Variants in CHIC1 observed in about 807,000 individuals in gnomAD.
CHIC1 encodes the protein cysteine-rich hydrophobic domain-containing protein 1.
CHIC1 carries 7 observed loss-of-function variants against 18.5 expected under a neutral mutation model. The observed-to-expected ratio is 0.38, with a 90% CI of 0.22 to 0.71. The LOEUF is 0.71. Among genes scored for constraint, CHIC1 ranks in the 30% least tolerant of loss-of-function variants. The pLI is 0.49. For synonymous variants in CHIC1, 77 were observed against 73.5 expected (o/e 1.05, Z -0.25); for missense variants, 159 against 176.9 (o/e 0.90, Z 0.57).
At chrX:73,586,176 C>T (rs1171887144) in intron 3 of CHIC1, among the ~76,000 whole-genome samples, 1 of 111,465 alleles carries the variant, frequency 9.0e-6, no homozygotes, top group Non-Finnish European at 1.9e-5. Context: ...GGCTATATGT[C>T]AGCAGTTGGC....
At chrX:73,655,425 A>G (rs776433600) in intron 3 of CHIC1, among the ~76,000 whole-genome samples, 2 of 93,233 alleles carry the variant, frequency 2.1e-5, no homozygotes, top group African/African-American at 7.7e-5. Context: ...GTGTATATAT[A>G]GTGTGTGTAT....
chrX:73,681,197 TTTTGCA>T lies in CHIC1; in HGVS notation c.*193_*198del. ...TTTTTGTCTTTCAATGAGGCTTGTG[TTTTGCA>T]CTCTCAATTTTAAATACACACACAT... is the stretch of plus-strand genomic sequence containing the variant. On this transcript the variant is annotated 3_prime_UTR_variant, in exon 6 of 6. Transcript: ENST00000373502. The T allele has an allele frequency of 2.6e-6, 1 of 379,923 alleles. No individual in the cohort carries two copies. The highest frequency in any genetic ancestry group is 5.1e-5 in the South Asian group (1 of 19,578). 31.3% of individuals were successfully genotyped at this position (379,923 alleles called of 1,213,427 possible).
chrX:73,574,750 T>C (rs998321640), intron 1 of CHIC1, among the ~76,000 whole-genome samples: 1 of 111,032 alleles, frequency 9.0e-6, no homozygotes, highest in Non-Finnish European at 1.9e-5. Flanking sequence ...TTTTTGTATT[T>C]ATGTGGGATA....
At chrX:73,637,326 ATAGT>A (rs926993640) in intron 3 of CHIC1, among the ~76,000 whole-genome samples, 2 of 97,071 alleles carry the variant, frequency 2.1e-5, no homozygotes, top group Admixed American at 2.3e-4. Context: ...TTTTCTTTTG[ATAGT>A]TGGAGTAGGT....
intron 3 of CHIC1, among the ~76,000 whole-genome samples, chrX:73,676,778 G>A (rs1222077739): frequency 2.7e-5 from 3 of 112,036 alleles, no homozygotes; most frequent in Non-Finnish European, 5.6e-5. Context: ...CTGGTGAGGA[G>A]CTGCGTTCCT....
At chrX:73,573,870 T>A (rs897525213) in intron 1 of CHIC1, among the ~76,000 whole-genome samples, 3 of 111,122 alleles carry the variant, frequency 2.7e-5, no homozygotes, top group Non-Finnish European at 3.8e-5. Context: ...TCATATTGTC[T>A]GCAAAAAGAG....
chrX:73,664,086 G>A, intron 3 of CHIC1, among the ~76,000 whole-genome samples: 1 of 111,245 alleles, frequency 9.0e-6, no homozygotes, highest in Non-Finnish European at 1.9e-5. Context: ...CTCTGAGAGA[G>A]AGGACTGTGG....
chrX:73,681,557 C>G lies in CHIC1; in HGVS notation c.*552C>G, dbSNP rs1186682796. The stretch of plus-strand genomic sequence containing the variant: ...GATAAAATATTTAAACTCCTAAAGA[C>G]TTGTAAATATTGCCTCTTTGCATAA... On this transcript the variant is annotated 3_prime_UTR_variant, in exon 6 of 6. Coordinates refer to ENST00000373502, the MANE Select transcript of CHIC1 (RefSeq NM_001039840.4). The G allele has an allele frequency of 8.9e-6, 1 of 112,370 alleles. No individual in the cohort carries two copies. Among genetic ancestry groups the G allele is most frequent in the African/African-American group, 3.2e-5 (1 of 30,985 alleles). 9.3% of individuals were successfully genotyped at this position (112,370 alleles called of 1,213,427 possible).
intron 3 of CHIC1, among the ~76,000 whole-genome samples, chrX:73,661,819 A>T (rs2057981714): frequency 9.0e-6 from 1 of 111,215 alleles, no homozygotes; most frequent in Non-Finnish European, 1.9e-5. Flanking sequence ...TGAGGGAATT[A>T]TGCGGTCTCC....
chrX:73,617,745 A>C (rs1016911183), intron 3 of CHIC1, among the ~76,000 whole-genome samples: 1 of 111,602 alleles, frequency 9.0e-6, no homozygotes, highest in African/African-American at 3.3e-5. Context: ...CCATGATTCA[A>C]TTATCTCTCA....
rs911749896 is a variant in CHIC1 at position 73,570,968 on chromosome X, T to A, written c.297-6439T>A. 1.1e-4 allele frequency among the ~76,000 whole-genome samples: 12 copies of A among 110,699 alleles called. No individual in the cohort carries two copies. In the East Asian group the frequency reaches 3.4e-3, roughly 31 times the overall value. Reference sequence around the variant, plus strand: ...GATGGACTTGTCATTTTGAGTAAATTTACTGAATAAGATATTATTTTCAGC... The same window carrying A: ...GATGGACTTGTCATTTTGAGTAAATATACTGAATAAGATATTATTTTCAGC... On this transcript the variant is annotated intron_variant, in intron 1 of 5. Coordinates refer to ENST00000373502, the MANE Select transcript of CHIC1 (RefSeq NM_001039840.4).
intron 3 of CHIC1, among the ~76,000 whole-genome samples, chrX:73,640,056 A>G (rs1470954243): frequency 9.0e-6 from 1 of 111,412 alleles, no homozygotes; most frequent in Non-Finnish European, 1.9e-5. Flanking sequence ...CAGGATTTCC[A>G]ATACAATATT....
At chrX:73,633,981 A>G (rs1349424068) in intron 3 of CHIC1, among the ~76,000 whole-genome samples, 33 of 111,122 alleles carry the variant, frequency 3.0e-4, no homozygotes, top group African/African-American at 1.1e-3. Flanking sequence ...GTTCTTAATG[A>G]GTTTCCTTAA....
At chrX:73,663,680 G>T (rs1003516185) in intron 3 of CHIC1, among the ~76,000 whole-genome samples, 8 of 110,766 alleles carry the variant, frequency 7.2e-5, no homozygotes, top group Admixed American at 4.8e-4. Context: ...TTATTTCCAA[G>T]TTTTAAGGTA....
At chrX:73,663,832 CA>C (rs1399183819) in intron 3 of CHIC1, among the ~76,000 whole-genome samples, 2 of 110,992 alleles carry the variant, frequency 1.8e-5, no homozygotes, top group Non-Finnish European at 3.8e-5. Context: ...ATCTTTGATC[CA>C]GGGGAAAGGA....
intron 1 of CHIC1, among the ~76,000 whole-genome samples, chrX:73,574,523 T>A (rs919020481): frequency 4.5e-5 from 5 of 110,679 alleles, no homozygotes; most frequent in African/African-American, 1.6e-4. Context: ...TCTTTGTACA[T>A]CTGATAGAAT....
intron 3 of CHIC1, among the ~76,000 whole-genome samples, chrX:73,629,961 A>G (rs903569384): frequency 2.7e-5 from 3 of 111,640 alleles, no homozygotes; most frequent in Non-Finnish European, 5.7e-5. Flanking sequence ...GTCTTCTTCA[A>G]TTTCTTTCAT....
At chrX:73,615,570 C>T (rs1484628892) in intron 3 of CHIC1, among the ~76,000 whole-genome samples, 2 of 111,555 alleles carry the variant, frequency 1.8e-5, no homozygotes, top group Admixed American at 9.5e-5. Context: ...GTAGGCCTGA[C>T]CATAGCCTCC....
chrX:73,613,288 A>G (rs187670663), intron 3 of CHIC1, among the ~76,000 whole-genome samples: 1 of 111,411 alleles, frequency 9.0e-6, no homozygotes, highest in African/African-American at 3.3e-5. Context: ...TTTGATCCCC[A>G]TTGTTAAAGA....
Sources: allele counts gnomAD v4.1 joint callset (sites outside exome capture counted in the v4.1 genomes callset), GRCh38; gene constraint gnomAD v4.1.1; transcripts MANE v1.5; gene names NCBI Gene and HGNC (gene_info 2026-07-23, HGNC 2026-07-21).